Variants in ZBTB20 observed in about 807,000 individuals in gnomAD.
ZBTB20 encodes zinc finger and BTB domain-containing protein 20.
ZBTB20 carries 9 observed loss-of-function variants against 56.9 expected under a neutral mutation model. The observed-to-expected ratio is 0.16, with a 90% CI of 0.10 to 0.28. The LOEUF (loss-of-function observed/expected upper bound fraction) is 0.28. Among genes scored for constraint, ZBTB20 ranks in the 10% least tolerant of loss-of-function variants. The pLI, the probability that ZBTB20 is intolerant of heterozygous loss-of-function variation, is 1.00. For missense variants in ZBTB20, 655 were observed against 1,003.0 expected (o/e 0.65, Z 4.69); for synonymous variants, 417 against 420.7 (o/e 0.99, Z 0.11).
chr3:114,332,270 G>C lies in ZBTB20; in HGVS notation c.*6735C>G, dbSNP rs1576200361. On this transcript the variant is annotated 3_prime_UTR_variant, in exon 12 of 12. Coordinates refer to ENST00000675478, the MANE Select transcript of ZBTB20 (RefSeq NM_001348800.3). ...CTTGCACCGGAGACTTGAAAGTTAT[G>C]AGTTTGCATTCAAACAAAGAACCAC... is the stretch of plus-strand genomic sequence containing the variant. 6.6e-6 allele frequency: 1 copy of C among 151,980 alleles called. No homozygotes were observed. The highest frequency in any genetic ancestry group is 1.9e-4 in the East Asian group (1 of 5,190). The allele number at this position is 151,980 out of a possible 1,614,324, so 9.4% of individuals were successfully genotyped here.
intron 6 of ZBTB20, among the ~76,000 whole-genome samples, chr3:114,631,382 CTTTT>C (rs66470152): frequency 6.0e-5 from 3 of 49,826 alleles, no homozygotes; most frequent in African/African-American, 7.9e-5. Flanking sequence ...ATAGGTTATT[CTTTT>C]TTTTTTTTTT....
chr3:114,442,510 C>A (rs977116074), intron 7 of ZBTB20, among the ~76,000 whole-genome samples: 3 of 152,150 alleles, frequency 2.0e-5, no homozygotes, highest in Non-Finnish European at 4.4e-5. Context: ...ATCTGCAAAA[C>A]TTTCTTCTCT....
At chr3:114,771,861 A>T (rs768240984) in intron 5 of ZBTB20, among the ~76,000 whole-genome samples, 2 of 152,156 alleles carry the variant, frequency 1.3e-5, no homozygotes, top group Non-Finnish European at 2.9e-5. Flanking sequence ...TTTCAGCTTA[A>T]ACTGAAGTCT....
At chr3:114,967,279 C>T (rs557477272) in intron 3 of ZBTB20, among the ~76,000 whole-genome samples, 48 of 152,248 alleles carry the variant, frequency 3.2e-4, no homozygotes, top group African/African-American at 1.0e-3. Context: ...AAACGTTATA[C>T]TTGGTGTTAT....
Position 114,330,780 on chromosome 3 carries a change from A to G in ZBTB20, c.*8225T>C, listed in dbSNP as rs940868109. Reference sequence around the variant, plus strand: ...TACAAATCATAAAAAATAACAAACCATCTAGTAAAAGAAGGGCATGGGAGT... The same window carrying G: ...TACAAATCATAAAAAATAACAAACCGTCTAGTAAAAGAAGGGCATGGGAGT... On this transcript the variant is annotated 3_prime_UTR_variant, in exon 12 of 12. Transcript: ENST00000675478. 18 of 121,604 alleles carry G rather than the reference A, an allele frequency of 1.5e-4. No individual in the cohort carries two copies. Among genetic ancestry groups the G allele is most frequent in the South Asian group, 2.5e-4 (1 of 3,952 alleles). 7.5% of individuals were successfully genotyped at this position (121,604 alleles called of 1,614,324 possible).
intron 4 of ZBTB20, among the ~76,000 whole-genome samples, 154 bp from the exon 5 acceptor site, chr3:114,801,328 AGG>A (rs1560266495): frequency 2.8e-5 from 4 of 143,024 alleles, no homozygotes; most frequent in East Asian, 2.0e-4. Context: ...TTTTCTGTTA[AGG>A]AAAAAAAAAA....
At chr3:114,504,151 G>A (rs538816021) in intron 6 of ZBTB20, among the ~76,000 whole-genome samples, 1 of 152,292 alleles carries the variant, frequency 6.6e-6, no homozygotes, top group Non-Finnish European at 1.5e-5. Flanking sequence ...AAGTGGGTAA[G>A]GGTATGTGGT....
intron 1 of ZBTB20, among the ~76,000 whole-genome samples, chr3:115,072,863 T>G (rs1428902826): frequency 6.6e-6 from 1 of 152,196 alleles, no homozygotes; most frequent in Admixed American, 6.5e-5. Flanking sequence ...TCATATGAAC[T>G]CTGCATAACC....
intron 5 of ZBTB20, among the ~76,000 whole-genome samples, chr3:114,793,700 C>T (rs1410366291): frequency 6.6e-6 from 1 of 152,076 alleles, no homozygotes; most frequent in African/African-American, 2.4e-5. Flanking sequence ...AAGAGAAGAA[C>T]AGACTTGGAT....
intron 3 of ZBTB20, among the ~76,000 whole-genome samples, chr3:114,964,547 G>C (rs946180240): frequency 2.0e-4 from 31 of 152,212 alleles, no homozygotes; most frequent in Admixed American, 3.3e-4. Context: ...TGGTGAAATA[G>C]CAAGTTTTTT....
At chr3:115,137,178 A>G (rs754749090) in intron 1 of ZBTB20, among the ~76,000 whole-genome samples, 2 of 152,130 alleles carry the variant, frequency 1.3e-5, no homozygotes, top group Non-Finnish European at 2.9e-5. Context: ...AAGGAACAGT[A>G]AAGACACATA....
At chr3:114,573,769 A>C (rs1188609500) in intron 6 of ZBTB20, among the ~76,000 whole-genome samples, 2 of 152,130 alleles carry the variant, frequency 1.3e-5, no homozygotes, top group African/African-American at 4.8e-5. Context: ...ATAAATTGGA[A>C]TCATACATGT....
chr3:114,554,938 G>A (rs1471131177), intron 6 of ZBTB20, among the ~76,000 whole-genome samples: 2 of 152,076 alleles, frequency 1.3e-5, no homozygotes, highest in Admixed American at 6.6e-5. Flanking sequence ...CATAGTTTAT[G>A]TTGAAATATA....
intron 6 of ZBTB20, among the ~76,000 whole-genome samples, chr3:114,551,145 C>T (rs571000380): frequency 2.4e-4 from 36 of 152,116 alleles, no homozygotes; most frequent in African/African-American, 8.2e-4. Context: ...GTCTTTAAAT[C>T]GATTGTTTTT....
intron 6 of ZBTB20, among the ~76,000 whole-genome samples, chr3:114,654,567 C>G (rs1250366750): frequency 6.6e-6 from 1 of 151,904 alleles, no homozygotes; most frequent in Non-Finnish European, 1.5e-5. Context: ...TAAAGTAGAA[C>G]ATACATACAG....
chr3:115,017,117 C>T (rs551407140), intron 2 of ZBTB20, among the ~76,000 whole-genome samples: 3 of 151,588 alleles, frequency 2.0e-5, no homozygotes, highest in African/African-American at 7.2e-5. Flanking sequence ...TAACAGGATC[C>T]TATGTCTAGA....
At chr3:114,808,700 T>C (rs1475332826) in intron 4 of ZBTB20, among the ~76,000 whole-genome samples, 2 of 152,076 alleles carry the variant, frequency 1.3e-5, no homozygotes, top group East Asian at 1.9e-4. Flanking sequence ...ATCTTTGTTA[T>C]ATCCTTCCTT....
intron 1 of ZBTB20, among the ~76,000 whole-genome samples, chr3:115,082,206 A>G (rs762432855): frequency 1.1e-4 from 17 of 152,252 alleles, no homozygotes; most frequent in Non-Finnish European, 1.9e-4. Context: ...TGATGCAATC[A>G]CAAACAAGTT....
intron 5 of ZBTB20, chr3:114,791,855 G>C (rs780066373): frequency 6.6e-6 from 1 of 152,028 alleles, no homozygotes; most frequent in Admixed American, 6.6e-5. Flanking sequence ...CTGAGAATTC[G>C]ACAGTAATCA....
Sources: allele counts gnomAD v4.1 joint callset (sites outside exome capture counted in the v4.1 genomes callset), GRCh38; gene constraint gnomAD v4.1.1; transcripts MANE v1.5; gene names NCBI Gene and HGNC (gene_info 2026-07-23, HGNC 2026-07-21).